The following NNT variants were observed in gnomAD, a reference collection of about 807,000 sequenced individuals.
NNT encodes nicotinamide nucleotide transhydrogenase, also known as NAD(P) transhydrogenase, mitochondrial.
NNT carries 50 observed loss-of-function variants against 104.8 expected under a neutral mutation model. That is an observed-to-expected ratio of 0.48 (90% CI 0.38 to 0.60). The LOEUF is 0.60. Among genes scored for constraint, NNT ranks in the 20% least tolerant of loss-of-function variants. NNT has a pLI of 0.00. For missense variants in NNT, 1,131 were observed against 1,330.7 expected, an observed-to-expected ratio of 0.85 and a Z score of 2.33; for synonymous variants, 461 against 490.4, an observed-to-expected ratio of 0.94 and a Z score of 0.79.
At chr5:43,639,316 A>C (rs1234500872) in intron 7 of NNT, among the ~76,000 whole-genome samples, 1 of 152,178 alleles carries the variant, frequency 6.6e-6, no homozygotes, top group Non-Finnish European at 1.5e-5. Context: ...AATTTACGTG[A>C]ATCACAGCCA....
intron 5 of NNT, among the ~76,000 whole-genome samples, chr5:43,619,735 C>T (rs1749972638): frequency 6.6e-6 from 1 of 152,112 alleles, no homozygotes; most frequent in Non-Finnish European, 1.5e-5. Flanking sequence ...GTGTCTTAGT[C>T]CATTTTGTGT....
At chr5:43,645,610 TATAG>T in intron 10 of NNT, 100 bp downstream of exon 10, 1 of 493,130 alleles carries the variant, frequency 2.0e-6, no homozygotes, top group Non-Finnish European at 3.0e-6. Flanking sequence ...TATACGTATA[TATAG>T]ATATATATAC....
At chr5:43,674,699 A>G (rs920117361) in intron 17 of NNT, among the ~76,000 whole-genome samples, 3 of 152,098 alleles carry the variant, frequency 2.0e-5, no homozygotes, top group Admixed American at 6.6e-5. Flanking sequence ...TTCTTTTACT[A>G]CCCCACCTCC....
At chr5:43,661,968 A>T (rs1016609490) in intron 17 of NNT, among the ~76,000 whole-genome samples, 2 of 152,122 alleles carry the variant, frequency 1.3e-5, no homozygotes, top group Admixed American at 6.5e-5. Context: ...CTAGTTCTAG[A>T]TCCCTGAGGA....
intron 11 of NNT, 69 bp from the exon 12 acceptor site, chr5:43,650,408 A>T: frequency 9.2e-7 from 1 of 1,092,890 alleles, no homozygotes; most frequent in Non-Finnish European, 1.4e-6. Flanking sequence ...TATGTGAGGT[A>T]CTTCAGCTAT....
At chr5:43,691,437 T>C (rs1412198428) in intron 19 of NNT, among the ~76,000 whole-genome samples, 2 of 152,174 alleles carry the variant, frequency 1.3e-5, no homozygotes, top group Non-Finnish European at 2.9e-5. Flanking sequence ...TTAGCTATTT[T>C]GTCTTTCTCT....
At chr5:43,659,910 T>TA (rs372040864) in intron 17 of NNT, among the ~76,000 whole-genome samples, 2 of 152,194 alleles carry the variant, frequency 1.3e-5, no homozygotes, top group African/African-American at 4.8e-5. Context: ...AGGTAAGATT[T>TA]TGGTTTATTT....
chr5:43,641,582 A>G (rs532292598), intron 7 of NNT, among the ~76,000 whole-genome samples: 13 of 152,246 alleles, frequency 8.5e-5, no homozygotes, highest in African/African-American at 3.1e-4. Context: ...ATATTAATCT[A>G]TGTATATATA....
At chr5:43,675,814 G>C (rs1210598117) in intron 18 of NNT, 144 bp downstream of exon 18, 6 of 629,300 alleles carry the variant, frequency 9.5e-6, no homozygotes, top group Non-Finnish European at 1.5e-5. Flanking sequence ...TGATTACTAA[G>C]TGAAAAATAC....
intron 7 of NNT, 98 bp downstream of exon 7, chr5:43,628,485 A>G (rs1256470504): frequency 2.1e-6 from 2 of 941,298 alleles, no homozygotes; most frequent in Non-Finnish European, 3.1e-6. Flanking sequence ...GAATTTCTTT[A>G]AGGAAGGATC....
chr5:43,698,518 T>C (rs972955345), intron 19 of NNT, among the ~76,000 whole-genome samples: 7 of 147,862 alleles, frequency 4.7e-5, no homozygotes, highest in Non-Finnish European at 1.0e-4. Context: ...AATAATTATC[T>C]TATTTGATTT....
intron 20 of NNT, among the ~76,000 whole-genome samples, chr5:43,701,344 T>C (rs1242154928): frequency 2.0e-5 from 3 of 152,198 alleles, no homozygotes; most frequent in Non-Finnish European, 4.4e-5. Flanking sequence ...TTTGATTTTC[T>C]TTTCCTGTGT....
chr5:43,624,796 A>G (rs1750279097), intron 6 of NNT, among the ~76,000 whole-genome samples: 1 of 152,198 alleles, frequency 6.6e-6, no homozygotes, highest in Non-Finnish European at 1.5e-5. Context: ...AGTACAGTTA[A>G]TATGTGTTTT....
chr5:43,622,505 C>T (rs978168590), intron 5 of NNT, among the ~76,000 whole-genome samples: 5 of 152,186 alleles, frequency 3.3e-5, no homozygotes, highest in East Asian at 1.9e-4. Context: ...AAAGCTCAAG[C>T]GATCCTCCTG....
chr5:43,681,077 G>T (rs13179099), intron 19 of NNT, among the ~76,000 whole-genome samples: 5,629 of 151,780 alleles, frequency 0.037, 210 homozygotes, highest in East Asian at 0.2. Context: ...TAGCTAACAT[G>T]GTGAAACCCC....
At chr5:43,684,217 A>ATT (rs34939917) in intron 19 of NNT, among the ~76,000 whole-genome samples, 7 of 143,964 alleles carry the variant, frequency 4.9e-5, no homozygotes, top group African/African-American at 7.6e-5. Flanking sequence ...TTCTTTCATA[A>ATT]TTTTTTTTTT....
intron 19 of NNT, among the ~76,000 whole-genome samples, chr5:43,680,709 C>A (rs956324816): frequency 6.6e-6 from 1 of 152,124 alleles, no homozygotes; most frequent in Admixed American, 6.6e-5. Context: ...TAATGAAGCA[C>A]ATGACATTTC....
At chr5:43,671,607 T>G (rs1265723091) in intron 17 of NNT, among the ~76,000 whole-genome samples, 1 of 152,248 alleles carries the variant, frequency 6.6e-6, no homozygotes, top group Admixed American at 6.5e-5. Flanking sequence ...TGTTGAATAT[T>G]GGCCCCCACT....
At chr5:43,610,173 G>GCCCTTCTA (rs977713293) in intron 2 of NNT, among the ~76,000 whole-genome samples, 1 of 151,218 alleles carries the variant, frequency 6.6e-6, no homozygotes, top group Non-Finnish European at 1.5e-5. Context: ...CTAAAAAGGG[G>GCCCTTCTA]CCCTTCTAAA....
Sources: allele counts gnomAD v4.1 joint callset (sites outside exome capture counted in the v4.1 genomes callset), GRCh38; gene constraint gnomAD v4.1.1; transcripts MANE v1.5; gene names NCBI Gene and HGNC (gene_info 2026-07-23, HGNC 2026-07-21).